MUCL3: variants seen among roughly 807,000 people sequenced by gnomAD.
The protein encoded by MUCL3 is mucin like 3, also known as mucin-like protein 3.
In MUCL3, 42 loss-of-function variants were observed where a neutral mutation model predicts 70.2. That is an observed-to-expected ratio of 0.60 (90% CI 0.47 to 0.77). The LOEUF is 0.77. MUCL3 is among the 30% of genes least tolerant of loss of function. The pLI, the probability that MUCL3 is intolerant of heterozygous loss-of-function variation, is 0.00. For missense variants in MUCL3, 1,429 were observed against 1,670.0 expected (o/e 0.86, Z 2.52); for synonymous variants, 522 against 647.0 (o/e 0.81, Z 2.93).
intron 1 of MUCL3, among the ~76,000 whole-genome samples, chr6:30,944,786 C>A (rs755610636): frequency 6.6e-5 from 10 of 152,316 alleles, no homozygotes; most frequent in Non-Finnish European, 1.3e-4. Flanking sequence ...GATGGTTGTA[C>A]GTGGAATGAA....
At position 30,951,071 on chromosome 6, in the gene MUCL3, T is replaced by C. The variant is rs1444027718; in HGVS notation, c.2607T>C (p.Asn869=). 2 of 1,548,998 alleles carry C rather than the reference T, an allele frequency of 1.3e-6. No individual in the cohort carries two copies. The highest frequency in any genetic ancestry group is 2.5e-5 in the East Asian group (1 of 40,734). The change falls in exon 2 of 3, where the codon AAT becomes AAC. Residue 869 remains asparagine, a synonymous_variant. Transcript: ENST00000462446. ...CAGAAAATAGAGAATGGACAGCCAA[T>C]GAGAACACCACACTATCCCCAGCAG... ...EPTENREWTA[N]ENTTLSPAEP... is the part of the protein sequence containing the mutation.
rs1358788408 is a variant in MUCL3 at position 30,951,817 on chromosome 6, T to C, written c.3353T>C (p.Ile1118Thr). 1.3e-6 allele frequency: 2 copies of C among 1,572,730 alleles called. No individual in the cohort carries two copies. Among genetic ancestry groups the C allele is most frequent in the Non-Finnish European group, 1.7e-6 (2 of 1,160,882 alleles). ...GERTTSPNDK[I>T]TSSAAESTEH... Reference sequence around the variant, plus strand: ...AGGACCACATCACCCAATGACAAGATCACCTCATCTGCAGCAGAGTCTACA... The same window carrying C: ...AGGACCACATCACCCAATGACAAGACCACCTCATCTGCAGCAGAGTCTACA... The change falls in exon 2 of 3, where the codon ATC becomes ACC. Residue 1118 changes from isoleucine (I) to threonine (T), a missense_variant. Physicochemically the swap from Ile to Thr is moderately conservative, Grantham distance 89. Transcript: ENST00000462446.
intron 1 of MUCL3, among the ~76,000 whole-genome samples, chr6:30,944,638 T>C (rs2150605939): frequency 6.6e-6 from 1 of 152,290 alleles, no homozygotes; most frequent in South Asian, 2.1e-4. Flanking sequence ...CTGTGCATCG[T>C]TTTGATGTTG....
intron 1 of MUCL3, among the ~76,000 whole-genome samples, chr6:30,944,119 C>T (rs1795690042): frequency 6.6e-6 from 1 of 152,182 alleles, no homozygotes; most frequent in Admixed American, 6.5e-5. Context: ...ACTAGAGATG[C>T]TCTTTTGGGA....
chr6:30,951,678 G>C lies in MUCL3; in HGVS notation c.3214G>C (p.Ala1072Pro). The C allele has an allele frequency of 6.4e-7, 1 of 1,551,940 alleles. No homozygotes were observed. Among genetic ancestry groups the C allele is most frequent in the Non-Finnish European group, 8.7e-7 (1 of 1,147,096 alleles). Residue 1072 changes from alanine (A) to proline (P), a missense_variant, in exon 2 of 3, where the codon GCC becomes CCC. Physicochemically the swap from Ala to Pro is conservative, Grantham distance 27 (BLOSUM62 -1). Coordinates refer to ENST00000462446, the MANE Select transcript of MUCL3 (RefSeq NM_080870.4). ...PTEHGEKTTL[A>P]NEKITLSPEG... ...AGAACATGGAGAAAAGACTACATTG[G>C]CCAATGAGAAGATCACACTATCCCC...
At position 30,948,919 on chromosome 6, in the gene MUCL3, C is replaced by T; in HGVS notation, c.455C>T (p.Ser152Phe). 6.5e-7 allele frequency: 1 copy of T among 1,550,382 alleles called. No individual in the cohort carries two copies. The highest frequency in any genetic ancestry group is 8.7e-7 in the Non-Finnish European group (1 of 1,146,692). Residue 152 changes from serine (S) to phenylalanine (F), a missense_variant, in exon 2 of 3, where the codon TCC (serine) becomes TTC (phenylalanine). Ser to Phe is a radical substitution (Grantham distance 155). Coordinates refer to ENST00000462446, the MANE Select transcript of MUCL3 (RefSeq NM_080870.4). ...PADSTTTHKE[S>F]AGKKHITPAP... ...GACTCCACTACCACACATAAAGAAT[C>T]CGCTGGAAAAAAACATATAACGCCA... is the stretch of plus-strand genomic sequence containing the variant.
In MUCL3 at chr6:30,951,815, GATCACCTC is replaced by G. The variant is rs1760720320; in HGVS notation, c.3355_3362del (p.Thr1119CysfsTer8). Reference sequence around the variant, plus strand: ...AAAGGACCACATCACCCAATGACAAGATCACCTCATCTGCAGCAGAGTCTACAGAACAT... The same window carrying G: ...AAAGGACCACATCACCCAATGACAAGATCTGCAGCAGAGTCTACAGAACAT... On this transcript the variant is annotated frameshift_variant, in exon 2 of 3. Coordinates refer to ENST00000462446, the MANE Select transcript of MUCL3 (RefSeq NM_080870.4). LOFTEE classifies it high-confidence loss of function. 1.3e-6 allele frequency: 2 copies of G among 1,573,342 alleles called. No individual in the cohort carries two copies. The highest frequency in any genetic ancestry group is 1.7e-6 in the Non-Finnish European group (2 of 1,160,658).
Position 30,952,134 on chromosome 6 carries a change from G to A in MUCL3, c.3670G>A (p.Ala1224Thr), listed in dbSNP as rs139901951. 119 of 1,612,688 alleles carry A rather than the reference G, an allele frequency of 7.4e-5. No homozygotes were observed. Among genetic ancestry groups the A allele is most frequent in the Non-Finnish European group, 9.7e-5 (115 of 1,179,716 alleles). Residue 1224 changes from alanine to threonine, a missense_variant, in exon 2 of 3, where the codon GCC becomes ACC. By Grantham distance (58) the Ala-to-Thr change is moderately conservative. Coordinates refer to ENST00000462446, the MANE Select transcript of MUCL3 (RefSeq NM_080870.4). ...CACACTGACCACTGAGACCATAAAA[G>A]CCCCAGTAAAGTCCACAGAAAACCC... ...NTTLTTETIK[A>T]PVKSTENPEK...
At chr6:30,944,037 A>G (rs1795687003) in intron 1 of MUCL3, among the ~76,000 whole-genome samples, 1 of 152,098 alleles carries the variant, frequency 6.6e-6, no homozygotes, top group Non-Finnish European at 1.5e-5. Context: ...CTGTATAGGT[A>G]TTTTAACAAA....
Position 30,953,168 on chromosome 6 carries a change from G to T in MUCL3, c.*51G>T, listed in dbSNP as rs1469673275. ...CTCTTCCATGCTCTGCCCCTTTCCT[G>T]GATGAGGAACCGGACTCACAATTTC... On this transcript the variant is annotated 3_prime_UTR_variant, in exon 3 of 3. Coordinates refer to ENST00000462446, the MANE Select transcript of MUCL3 (RefSeq NM_080870.4). The T allele has an allele frequency of 6.3e-7, 1 of 1,595,722 alleles. No homozygotes were observed. The highest frequency in any genetic ancestry group is 8.5e-7 in the Non-Finnish European group (1 of 1,173,546).
intron 1 of MUCL3, among the ~76,000 whole-genome samples, chr6:30,942,307 C>G (rs1033080991): frequency 2.5e-4 from 38 of 152,052 alleles, no homozygotes; most frequent in African/African-American, 8.2e-4. Flanking sequence ...GCTACTGAAC[C>G]CGGGGAGCAG....
At chr6:30,952,937 G>C (rs761946110) in intron 2 of MUCL3, 34 bp from the exon 3 acceptor site, 9 of 1,609,752 alleles carry the variant, frequency 5.6e-6, no homozygotes. Flanking sequence ...AATCGCAGAT[G>C]GTTCTCATTC....
rs1760786170 is a variant in MUCL3 at position 30,952,972 on chromosome 6, T to G, written c.4037T>G (p.Val1346Gly). The change falls in exon 3 of 3, where the codon GTC (valine) becomes GGC (glycine). Residue 1346 changes from valine (V) to glycine (G), a missense_variant and splice_region_variant. Val to Gly is a moderately radical substitution (Grantham distance 109). Coordinates refer to ENST00000462446, the MANE Select transcript of MUCL3 (RefSeq NM_080870.4). ...LLVFLGLIFLVSYMMRTRRTL... is the reference protein window; with the variant it reads ...LLVFLGLIFLGSYMMRTRRTL... Reference sequence around the variant, plus strand: ...CCTCCTTTCTCATCCCAATCACAGGTCTCCTATATGATGCGGACACGCCGC... The same window carrying G: ...CCTCCTTTCTCATCCCAATCACAGGGCTCCTATATGATGCGGACACGCCGC... 1 of 1,613,520 alleles carries G rather than the reference T, an allele frequency of 6.2e-7. No homozygotes were observed. The highest frequency in any genetic ancestry group is 1.3e-5 in the African/African-American group (1 of 74,896).
At chr6:30,941,462 T>TC (rs1795573833) in intron 1 of MUCL3, among the ~76,000 whole-genome samples, 1 of 137,452 alleles carries the variant, frequency 7.3e-6, no homozygotes. Context: ...TTCTTCTTTT[T>TC]TTTTTTTTTT....
rs1760517366 is a variant in MUCL3 at position 30,949,721 on chromosome 6, G to T, written c.1257G>T (p.Glu419Asp). 7.2e-6 allele frequency: 11 copies of T among 1,532,760 alleles called. No homozygotes were observed. The highest frequency in any genetic ancestry group is 9.6e-6 in the Non-Finnish European group (11 of 1,142,972). The allele number at this position is 1,532,760 out of a possible 1,614,324, so 94.9% of individuals were successfully genotyped here. Reference protein sequence around the residue: ...ANDKTTSSSAESTEHGERTPL... With the variant: ...ANDKTTSSSADSTEHGERTPL... ...ACAAAACCACATCATCCTCAGCAGA[G>T]TCTACAGAACATGGAGAAAGGACCC... Residue 419 changes from glutamate to aspartate, a missense_variant, in exon 2 of 3, where the codon GAG becomes GAT. By Grantham distance (45) the Glu-to-Asp change is conservative. Coordinates refer to ENST00000462446, the MANE Select transcript of MUCL3 (RefSeq NM_080870.4).
intron 1 of MUCL3, among the ~76,000 whole-genome samples, chr6:30,945,817 G>A (rs968549919): frequency 2.0e-5 from 3 of 152,098 alleles, no homozygotes; most frequent in Non-Finnish European, 1.5e-5. Context: ...AGCTGGGTGT[G>A]GTGGCATGTG....
chr6:30,942,700 T>G (rs762929487), intron 1 of MUCL3, among the ~76,000 whole-genome samples: 2 of 152,198 alleles, frequency 1.3e-5, no homozygotes, highest in Non-Finnish European at 2.9e-5. Context: ...TTCCTTCCCC[T>G]TCCTCTCAGG....
At chr6:30,946,310 T>A (rs1231767022) in intron 1 of MUCL3, 1 of 152,248 alleles carries the variant, frequency 6.6e-6, no homozygotes, top group Non-Finnish European at 1.5e-5. Flanking sequence ...GCAGTCAGCA[T>A]CATGGTTATT....
chr6:30,951,699 T>A lies in MUCL3; in HGVS notation c.3235T>A (p.Ser1079Thr). Residue 1079 changes from serine (S) to threonine (T), a missense_variant, in exon 2 of 3, where the codon TCC (serine) becomes ACC (threonine). Physicochemically the swap from Ser to Thr is moderately conservative, Grantham distance 58 (BLOSUM62 1). Transcript: ENST00000462446. Reference sequence around the variant, plus strand: ...ATTGGCCAATGAGAAGATCACACTATCCCCAGAAGGGCCTACAGAACATGG... The same window carrying A: ...ATTGGCCAATGAGAAGATCACACTAACCCCAGAAGGGCCTACAGAACATGG... The part of the protein sequence containing the change: ...TTLANEKITL[S>T]PEGPTEHGAK... 1 of 1,550,846 alleles carries A rather than the reference T, an allele frequency of 6.4e-7. No individual in the cohort carries two copies. The highest frequency in any genetic ancestry group is 8.7e-7 in the Non-Finnish European group (1 of 1,146,898).
Sources: allele counts gnomAD v4.1 joint callset (sites outside exome capture counted in the v4.1 genomes callset), GRCh38; gene constraint gnomAD v4.1.1; transcripts MANE v1.5; gene names NCBI Gene and HGNC (gene_info 2026-07-23, HGNC 2026-07-21).